The following SHTN1 variants were observed in gnomAD, a reference collection of about 807,000 sequenced individuals.
The protein encoded by SHTN1 is shootin 1.
Under a neutral mutation model 83.1 loss-of-function variants are expected in SHTN1, and 42 were observed. The observed-to-expected ratio is 0.51, with a 90% CI of 0.39 to 0.65. The LOEUF (loss-of-function observed/expected upper bound fraction) is 0.65. Ranked by LOEUF, SHTN1 falls within the 30% of genes least tolerant of loss-of-function variation. The probability of loss-of-function intolerance (pLI) is 0.00; values close to 1 mark genes in which losing one functional copy is unlikely to be tolerated. For synonymous variants in SHTN1, 224 were observed against 247.7 expected, an observed-to-expected ratio of 0.90 and a Z score of 0.90; for missense variants, 622 against 737.8, an observed-to-expected ratio of 0.84 and a Z score of 1.82.
intron 16 of SHTN1, among the ~76,000 whole-genome samples, chr10:116,896,078 A>ATTATTTTAT (rs1362638646): frequency 2.0e-5 from 3 of 152,166 alleles, no homozygotes; most frequent in African/African-American, 7.2e-5. Context: ...TTAGATGGAT[A>ATTATTTTAT]TTATTTTATT....
At chr10:117,014,820 T>C (rs1852157783) in intron 2 of SHTN1, among the ~76,000 whole-genome samples, 1 of 152,196 alleles carries the variant, frequency 6.6e-6, no homozygotes, top group Non-Finnish European at 1.5e-5. Context: ...AATAGTACCA[T>C]AGTTTTATAT....
chr10:117,092,082 C>T (rs1336074860), intron 1 of SHTN1, among the ~76,000 whole-genome samples: 1 of 152,144 alleles, frequency 6.6e-6, no homozygotes, highest in African/African-American at 2.4e-5. Flanking sequence ...AGATTTAACC[C>T]AGATGTGACA....
intron 1 of SHTN1, among the ~76,000 whole-genome samples, chr10:117,084,196 A>G (rs2133614470): frequency 6.6e-6 from 1 of 151,710 alleles, no homozygotes; most frequent in African/African-American, 2.4e-5. Context: ...TTGGTCTTTG[A>G]TGATGGTGAT....
chr10:117,001,311 G>A (rs1294488363), intron 1 of SHTN1, among the ~76,000 whole-genome samples: 1 of 152,022 alleles, frequency 6.6e-6, no homozygotes, highest in Non-Finnish European at 1.5e-5. Context: ...CCATTCACTA[G>A]GAGGGAACAT....
intron 2 of SHTN1, among the ~76,000 whole-genome samples, chr10:117,033,826 A>G (rs1852456187): frequency 6.6e-6 from 1 of 152,216 alleles, no homozygotes; most frequent in Non-Finnish European, 1.5e-5. Flanking sequence ...AAGATCATTC[A>G]TCATGACCAA....
chr10:116,961,932 C>T (rs1014608663), intron 3 of SHTN1, among the ~76,000 whole-genome samples: 2 of 152,092 alleles, frequency 1.3e-5, no homozygotes, highest in Non-Finnish European at 2.9e-5. Context: ...GTGTGAAAGC[C>T]TTGATGAGAG....
chr10:116,915,227 CT>C (rs1848343502), intron 13 of SHTN1, 147 bp downstream of exon 13: 7 of 584,714 alleles, frequency 1.2e-5, no homozygotes, highest in Non-Finnish European at 1.8e-5. Context: ...CTGAAACATG[CT>C]TATGTGGAAG....
chr10:117,098,311 G>A (rs1853536945), intron 1 of SHTN1, among the ~76,000 whole-genome samples: 1 of 150,052 alleles, frequency 6.7e-6, no homozygotes, highest in African/African-American at 2.5e-5. Context: ...GCAGGAGAAT[G>A]GCGTGAACCC....
At chr10:117,092,633 A>C (rs948975659) in intron 1 of SHTN1, among the ~76,000 whole-genome samples, 1 of 152,196 alleles carries the variant, frequency 6.6e-6, no homozygotes, top group African/African-American at 2.4e-5. Context: ...AACGGCGCCC[A>C]GCTGGTTTGG....
chr10:116,923,993 G>GA (rs1012908236), intron 11 of SHTN1, among the ~76,000 whole-genome samples: 4 of 151,916 alleles, frequency 2.6e-5, no homozygotes, highest in Non-Finnish European at 4.4e-5. Context: ...ATAGTAAAAA[G>GA]AAAAAAACAC....
At chr10:116,962,922 A>T (rs1850233912) in intron 3 of SHTN1, among the ~76,000 whole-genome samples, 1 of 151,748 alleles carries the variant, frequency 6.6e-6, no homozygotes, top group Non-Finnish European at 1.5e-5. Context: ...TCAAAGGGTG[A>T]TTATATCTTT....
At chr10:117,108,032 A>G (rs1853697663) in intron 1 of SHTN1, among the ~76,000 whole-genome samples, 1 of 152,122 alleles carries the variant, frequency 6.6e-6, no homozygotes, top group South Asian at 2.1e-4. Context: ...TGAGCCGCCC[A>G]ATGTTTGTCG....
At chr10:116,908,800 G>A (rs10886016) in intron 14 of SHTN1, among the ~76,000 whole-genome samples, 44,835 of 152,000 alleles carry the variant, frequency 0.29, 6,934 homozygotes, top group East Asian at 0.52. Flanking sequence ...ATTCTTGACT[G>A]TAGTAAGCTA....
intron 1 of SHTN1, among the ~76,000 whole-genome samples, chr10:117,111,580 C>G (rs1172326785): frequency 6.6e-6 from 1 of 152,086 alleles, no homozygotes; most frequent in East Asian, 1.9e-4. Context: ...GCGTGAGCCA[C>G]TGCACCTGGC....
At chr10:116,957,363 C>T (rs943701886) in intron 4 of SHTN1, among the ~76,000 whole-genome samples, 4 of 150,528 alleles carry the variant, frequency 2.7e-5, no homozygotes, top group African/African-American at 9.8e-5. Flanking sequence ...AAGCGATTCT[C>T]CTGCCTCAGC....
intron 1 of SHTN1, among the ~76,000 whole-genome samples, chr10:117,099,584 C>G (rs553375506): frequency 6.6e-6 from 1 of 152,218 alleles, no homozygotes; most frequent in Non-Finnish European, 1.5e-5. Context: ...AACTCACATT[C>G]TTTTCACCAC....
At chr10:116,966,523 A>T (rs1850403291) in intron 3 of SHTN1, among the ~76,000 whole-genome samples, 1 of 152,210 alleles carries the variant, frequency 6.6e-6, no homozygotes, top group South Asian at 2.1e-4. Flanking sequence ...TCAGGCTTTG[A>T]GTTGCTCATA....
chr10:116,973,593 C>T (rs1301478222), intron 2 of SHTN1, among the ~76,000 whole-genome samples: 2 of 152,150 alleles, frequency 1.3e-5, no homozygotes, highest in African/African-American at 2.4e-5. Context: ...CTCACAAAAA[C>T]TTATGATCTA....
intron 1 of SHTN1, among the ~76,000 whole-genome samples, chr10:117,103,521 C>G (rs1853626994): frequency 7.0e-6 from 1 of 141,990 alleles, no homozygotes; most frequent in Non-Finnish European, 1.5e-5. Flanking sequence ...CTCCCCTCCC[C>G]TCCCCTCTCT....
Sources: gnomAD v4.1 joint callset for allele counts (sites outside exome capture counted in the v4.1 genomes callset) on GRCh38, gnomAD v4.1.1 for gene constraint, MANE v1.5 for transcripts, NCBI Gene and HGNC (gene_info 2026-07-23, HGNC 2026-07-21) for gene names.